URB1: variants seen among roughly 807,000 people sequenced by gnomAD.
The protein encoded by URB1 is URB1 ribosome biogenesis factor, also known as nucleolar pre-ribosomal-associated protein 1.
A neutral mutation model predicts 242.3 loss-of-function variants in URB1; 197 were observed. The ratio of observed to expected loss-of-function variants is 0.81; its 90% CI spans 0.72 to 0.91. The LOEUF is 0.91. URB1 is among the 40% of genes least tolerant of loss of function. URB1 has a pLI of 0.00. For synonymous variants in URB1, 1,153 were observed against 1,201.8 expected (o/e 0.96, Z 0.84); for missense variants, 2,721 against 2,860.5 (o/e 0.95, Z 1.11).
intron 1 of URB1, among the ~76,000 whole-genome samples, chr21:32,386,935 A>G (rs78555151): frequency 0.013 from 1,989 of 151,898 alleles, 49 homozygotes; most frequent in African/African-American, 0.047. Flanking sequence ...ATTCCTGCTC[A>G]TGCAATGGAG....
At position 32,352,996 on chromosome 21, in the gene URB1, A is replaced by G. The variant is rs911394976; in HGVS notation, c.2417-90T>C. On this transcript the variant is annotated intron_variant, in intron 18 of 38. Transcript: ENST00000382751. ...CACCACCTTCTTCCACATACAGGCAAGACCCTGAAAAATTCATGCAACTCC... is the reference window on the plus strand; with the variant it reads ...CACCACCTTCTTCCACATACAGGCAGGACCCTGAAAAATTCATGCAACTCC... The G allele has an allele frequency of 4.4e-6, 6 of 1,371,740 alleles. No homozygotes were observed. The African/African-American group carries it at 7.3e-5, about 17-fold the overall frequency. The allele number at this position is 1,371,740 out of a possible 1,614,324, so 85.0% of individuals were successfully genotyped here.
At chr21:32,346,823 G>A (rs2033090973) in intron 22 of URB1, 133 bp downstream of exon 22, 7 of 1,269,044 alleles carry the variant, frequency 5.5e-6, no homozygotes, top group Non-Finnish European at 7.4e-6. Flanking sequence ...CATCTTCAGA[G>A]TTGTGTCAGA....
At position 32,321,845 on chromosome 21, in the gene URB1, T is replaced by TG. The variant is rs1303184798; in HGVS notation, c.5439dup (p.Ile1814HisfsTer11). 6.4e-7 allele frequency: 1 copy of TG among 1,551,684 alleles called. No individual in the cohort carries two copies. The highest frequency in any genetic ancestry group is 1.2e-5 in the South Asian group (1 of 84,066). ...AGCGGGCTGTGGAAGAAGGACAGGA[T>TG]GATGTGGAAGATGCCACGCCGGGCA... is the stretch of plus-strand genomic sequence containing the variant. On this transcript the variant is annotated frameshift_variant, in exon 34 of 39. Coordinates refer to ENST00000382751, the MANE Select transcript of URB1 (RefSeq NM_014825.3). LOFTEE classifies it high-confidence loss of function.
In URB1 at chr21:32,337,517, G is replaced by A. The variant is rs375124685; in HGVS notation, c.4511-3C>T. ...CAGCATCAGGTCCACCAGCGCTTCT[G>A]CAAGAAAACAACCCTGAAACACATG... On this transcript the variant is annotated splice_polypyrimidine_tract_variant and splice_region_variant and intron_variant, in intron 26 of 38. Coordinates refer to ENST00000382751, the MANE Select transcript of URB1 (RefSeq NM_014825.3). 114 of 1,551,364 alleles carry A rather than the reference G, an allele frequency of 7.3e-5. No individual in the cohort carries two copies. The African/African-American group carries it at 1.4e-3, about 18-fold the overall frequency.
At chr21:32,317,296 T>C (rs1006223844) in intron 37 of URB1, among the ~76,000 whole-genome samples, 1 of 152,214 alleles carries the variant, frequency 6.6e-6, no homozygotes, top group Non-Finnish European at 1.5e-5. Flanking sequence ...AAGCCATTAC[T>C]GTCCTCTTTA....
intron 9 of URB1, 137 bp downstream of exon 9, chr21:32,368,256 ACAGGTTTCGT>A (rs71683119): frequency 0.12 from 73,734 of 617,066 alleles, 5,048 homozygotes; most frequent in African/African-American, 0.28. Flanking sequence ...TTAGTAAGAG[ACAGGTTTCGT>A]CACGTTGGCC....
chr21:32,317,855 T>A lies in URB1; in HGVS notation c.5855A>T (p.Tyr1952Phe). 6.4e-7 allele frequency: 1 copy of A among 1,551,860 alleles called. No individual in the cohort carries two copies. Among genetic ancestry groups the A allele is most frequent in the Non-Finnish European group, 8.7e-7 (1 of 1,147,034 alleles). ...AAAGGCCTGTATGACAGTGGCCCGG[T>A]ACCTCAGCACGGAGTCAAGTGTCCC... ...FFGTLDSVLR[Y>F]RATVIQAFRD... The change falls in exon 37 of 39, where the codon TAC becomes TTC. Residue 1952 changes from tyrosine to phenylalanine, a missense_variant. Coordinates refer to ENST00000382751, the MANE Select transcript of URB1 (RefSeq NM_014825.3).
intron 8 of URB1, among the ~76,000 whole-genome samples, chr21:32,370,847 T>C (rs530516901): frequency 1.3e-5 from 2 of 152,352 alleles, no homozygotes; most frequent in South Asian, 4.1e-4. Context: ...TCTGGCCCTT[T>C]GTAGAAAAGT....
At chr21:32,334,094 G>A (rs1171125131) in intron 29 of URB1, 69 bp downstream of exon 29, 1 of 1,448,678 alleles carries the variant, frequency 6.9e-7, no homozygotes, top group Non-Finnish European at 9.2e-7. Flanking sequence ...AAACGAAGCT[G>A]AGGGTGCAGA....
intron 18 of URB1, 32 bp from the exon 19 acceptor site, chr21:32,352,938 G>A: frequency 5.3e-6 from 8 of 1,508,212 alleles, no homozygotes; most frequent in Non-Finnish European, 7.1e-6. Context: ...ATGGGAAGAG[G>A]CTGGCTGGGC....
chr21:32,374,021 ATGTG>A (rs1263646524), intron 6 of URB1, among the ~76,000 whole-genome samples: 1 of 152,150 alleles, frequency 6.6e-6, no homozygotes, highest in African/African-American at 2.4e-5. Context: ...CACAATATAC[ATGTG>A]TATGTATTCA....
chr21:32,377,240 T>C, intron 5 of URB1: 1 of 518,964 alleles, frequency 1.9e-6, no homozygotes, highest in Non-Finnish European at 3.8e-6. Context: ...GGCCAGGCAA[T>C]GGTTCAGGGC....
rs1456935333 is a variant in URB1 at position 32,368,578 on chromosome 21, A to C, written c.1022T>G (p.Leu341Trp). The C allele has an allele frequency of 2.6e-6, 4 of 1,551,128 alleles. No individual in the cohort carries two copies. The highest frequency in any genetic ancestry group is 1.2e-5 in the South Asian group (1 of 83,960). ...TFGRGGNLTL[L>W]HFLLGLKTAA... Reference sequence around the variant, plus strand: ...AGTTTTCAAACCCAGCAAGAAGTGCAAGAGTGTCAGGTTTCCGCCTCTGTT... The same window carrying C: ...AGTTTTCAAACCCAGCAAGAAGTGCCAGAGTGTCAGGTTTCCGCCTCTGTT... Residue 341 changes from leucine (L) to tryptophan (W), a missense_variant, in exon 9 of 39, where the codon TTG (leucine) becomes TGG (tryptophan). Transcript: ENST00000382751.
At chr21:32,384,851 G>A (rs1310129955) in intron 2 of URB1, among the ~76,000 whole-genome samples, 2 of 152,104 alleles carry the variant, frequency 1.3e-5, no homozygotes, top group Non-Finnish European at 2.9e-5. Flanking sequence ...CGTGGTGGCG[G>A]GCGCCTGTAG....
intron 18 of URB1, 70 bp from the exon 19 acceptor site, chr21:32,352,976 C>T (rs1430321005): frequency 2.1e-6 from 3 of 1,441,408 alleles, no homozygotes; most frequent in Non-Finnish European, 2.8e-6. Flanking sequence ...ACCAACACCA[C>T]CTTCTTCCAC....
chr21:32,326,787 A>G lies in URB1; in HGVS notation c.4961-1398T>C, dbSNP rs138657295. ...CCCAGCCATGCTTCCTACACAGACT[A>G]TGAAACCATGAGTCAATTAAACCTC... is the stretch of plus-strand genomic sequence containing the variant. On this transcript the variant is annotated intron_variant, in intron 30 of 38. Coordinates refer to ENST00000382751, the MANE Select transcript of URB1 (RefSeq NM_014825.3). Among the ~76,000 whole-genome samples the G allele has an allele frequency of 1.5e-3, 223 of 152,336 alleles. 2 individuals carry two copies. The Middle Eastern group carries it at 0.027, about 19-fold the overall frequency.
intron 31 of URB1, 27 bp from the exon 32 acceptor site, chr21:32,324,629 T>C (rs2032806877): frequency 6.6e-7 from 1 of 1,508,234 alleles, no homozygotes. Context: ...AAAAGGAAAA[T>C]GTAAGATGAG....
Position 32,312,453 on chromosome 21 carries a change from T to TGGG in URB1, c.*2464_*2465insCCC. 5 of 489,004 alleles carry TGGG rather than the reference T, an allele frequency of 1.0e-5. No individual in the cohort carries two copies. Among genetic ancestry groups the TGGG allele is most frequent in the Non-Finnish European group, 1.5e-5 (5 of 336,978 alleles). 30.3% of individuals were successfully genotyped at this position (489,004 alleles called of 1,614,324 possible). A position where few individuals can be genotyped will look rare whatever the true frequency, so the allele number is the denominator to read the frequency against. ...CGGCTCCCCCAGATGTGATGGCATC[T>TGGG]GCCCTGCCAGGTCAGCTCACTGCAG... On this transcript the variant is annotated 3_prime_UTR_variant, in exon 39 of 39. Transcript: ENST00000382751.
In URB1 at chr21:32,322,555, A is replaced by G. The variant is rs748559823; in HGVS notation, c.5263T>C (p.Phe1755Leu). 17 of 1,552,074 alleles carry G rather than the reference A, an allele frequency of 1.1e-5. No individual in the cohort carries two copies. Among genetic ancestry groups the G allele is most frequent in the Non-Finnish European group, 1.5e-5 (17 of 1,147,074 alleles). Reference sequence around the variant, plus strand: ...TTCAAGTACTCATGCGACAGCAGGAAGTTGCTGACCTTCAGGTACATGTGC... The same window carrying G: ...TTCAAGTACTCATGCGACAGCAGGAGGTTGCTGACCTTCAGGTACATGTGC... ...EEHMYLKVSN[F>L]LLSHEYLNMD... Residue 1755 changes from phenylalanine (F) to leucine (L), a missense_variant, in exon 33 of 39, where the codon TTC (phenylalanine) becomes CTC (leucine). Coordinates refer to ENST00000382751, the MANE Select transcript of URB1 (RefSeq NM_014825.3).
Sources: gnomAD v4.1 joint callset for allele counts (sites outside exome capture counted in the v4.1 genomes callset) on GRCh38, gnomAD v4.1.1 for gene constraint, MANE v1.5 for transcripts, NCBI Gene and HGNC (gene_info 2026-07-23, HGNC 2026-07-21) for gene names.